Variants in ACACA observed in about 807,000 individuals in gnomAD.
ACACA encodes acetyl-CoA carboxylase 1.
A neutral mutation model predicts 296.1 loss-of-function variants in ACACA; 103 were observed. That is an observed-to-expected ratio of 0.35 (90% CI 0.30 to 0.41). The LOEUF (loss-of-function observed/expected upper bound fraction) is 0.41. Ranked by LOEUF, ACACA falls within the 10% of genes least tolerant of loss-of-function variation. The pLI is 1.00. For synonymous variants in ACACA, 953 were observed against 1,038.6 expected, an observed-to-expected ratio of 0.92 and a Z score of 1.58; for missense variants, 1,554 against 2,989.7, an observed-to-expected ratio of 0.52 and a Z score of 11.20.
chr17:37,381,833 T>C (rs1176405356), intron 1 of ACACA, among the ~76,000 whole-genome samples: 1 of 151,706 alleles, frequency 6.6e-6, no homozygotes. Context: ...TTCACCGTGT[T>C]GGCCAGGATG....
intron 50 of ACACA, among the ~76,000 whole-genome samples, chr17:37,118,466 ATTTCT>A (rs1413404540): frequency 6.6e-6 from 1 of 152,232 alleles, no homozygotes; most frequent in Non-Finnish European, 1.5e-5. Context: ...AGCTCTTGAA[ATTTCT>A]TTTCACAATA....
intron 1 of ACACA, among the ~76,000 whole-genome samples, chr17:37,350,237 G>A (rs1467528620): frequency 2.0e-5 from 3 of 151,976 alleles, no homozygotes; most frequent in South Asian, 2.1e-4. Context: ...AGGCTGATAT[G>A]GGCGGACTGC....
chr17:37,252,857 C>G, intron 15 of ACACA, 29 bp downstream of exon 15: 1 of 1,613,650 alleles, frequency 6.2e-7, no homozygotes, highest in Non-Finnish European at 8.5e-7. Context: ...AAACCCAATC[C>G]CAGCATCTGT....
intron 3 of ACACA, among the ~76,000 whole-genome samples, chr17:37,305,987 C>A (rs1374221125): frequency 7.1e-6 from 1 of 141,364 alleles, no homozygotes; most frequent in South Asian, 2.4e-4. Context: ...CGGCTCACTG[C>A]AAGCTCCGCC....
intron 45 of ACACA, among the ~76,000 whole-genome samples, chr17:37,147,437 T>C (rs1030989421): frequency 2.0e-5 from 3 of 151,866 alleles, no homozygotes; most frequent in African/African-American, 4.8e-5. Context: ...TACAGAGAGA[T>C]ACCTACAGAA....
intron 29 of ACACA, among the ~76,000 whole-genome samples, chr17:37,216,213 T>A (rs1329375906): frequency 6.8e-6 from 1 of 147,546 alleles, no homozygotes; most frequent in Non-Finnish European, 1.5e-5. Flanking sequence ...TGTGTGTATA[T>A]ATATATATAT....
At chr17:37,135,177 T>G (rs1264838600) in intron 45 of ACACA, among the ~76,000 whole-genome samples, 1 of 152,260 alleles carries the variant, frequency 6.6e-6, no homozygotes, top group Non-Finnish European at 1.5e-5. Context: ...CATATCACTG[T>G]GTCAATGTTT....
At chr17:37,283,610 T>C (rs1201693803) in intron 4 of ACACA, among the ~76,000 whole-genome samples, 1 of 152,236 alleles carries the variant, frequency 6.6e-6, no homozygotes, top group Admixed American at 6.5e-5. Flanking sequence ...AAGCAAATAC[T>C]TGAGTATGTG....
intron 25 of ACACA, among the ~76,000 whole-genome samples, chr17:37,226,786 G>A (rs1250173525): frequency 2.6e-5 from 4 of 152,114 alleles, no homozygotes; most frequent in African/African-American, 9.7e-5. Context: ...ATGTCTCAAA[G>A]TTTTAAGAGA....
chr17:37,294,361 A>G (rs993408694), intron 3 of ACACA, among the ~76,000 whole-genome samples: 1 of 152,222 alleles, frequency 6.6e-6, no homozygotes, highest in Non-Finnish European at 1.5e-5. Context: ...AAAATTGCTT[A>G]GACTTATTTA....
At chr17:37,262,674 A>G (rs2081567812) in intron 11 of ACACA, among the ~76,000 whole-genome samples, 1 of 152,148 alleles carries the variant, frequency 6.6e-6, no homozygotes, top group African/African-American at 2.4e-5. Context: ...TCATCTCTGA[A>G]CTATGATGAA....
intron 39 of ACACA, among the ~76,000 whole-genome samples, chr17:37,183,271 C>A (rs2077393609): frequency 6.6e-6 from 1 of 152,130 alleles, no homozygotes; most frequent in South Asian, 2.1e-4. Context: ...TTGGAGAAAA[C>A]AATCTAGCTA....
chr17:37,271,638 A>G, intron 9 of ACACA, among the ~76,000 whole-genome samples: 1 of 151,978 alleles, frequency 6.6e-6, no homozygotes. Flanking sequence ...ATGTATTACA[A>G]TTAAAAAAAA....
intron 42 of ACACA, among the ~76,000 whole-genome samples, chr17:37,160,358 A>T (rs1251328253): frequency 6.6e-6 from 1 of 152,208 alleles, no homozygotes; most frequent in Non-Finnish European, 1.5e-5. Context: ...GTGGAAGAGA[A>T]GGTGAAGAGT....
intron 24 of ACACA, among the ~76,000 whole-genome samples, chr17:37,238,582 T>C (rs774928406): frequency 2.6e-5 from 4 of 152,202 alleles, no homozygotes; most frequent in Non-Finnish European, 2.9e-5. Flanking sequence ...TTGTCTTTTA[T>C]GGAAATTTTA....
At chr17:37,168,200 GT>G (rs1380185941) in intron 41 of ACACA, among the ~76,000 whole-genome samples, 2 of 152,144 alleles carry the variant, frequency 1.3e-5, no homozygotes, top group Non-Finnish European at 2.9e-5. Flanking sequence ...TACATGTTAA[GT>G]CCTAGGATAG....
At chr17:37,188,581 G>A in intron 38 of ACACA, 101 bp from the exon 39 acceptor site, 2 of 1,271,516 alleles carry the variant, frequency 1.6e-6, no homozygotes, top group Admixed American at 1.8e-5. Context: ...AAAAAAAAAA[G>A]AGGTTGGTTT....
chr17:37,396,666 C>T (rs1597801059), intron 1 of ACACA, among the ~76,000 whole-genome samples: 1 of 152,256 alleles, frequency 6.6e-6, no homozygotes, highest in East Asian at 1.9e-4. Context: ...ATGTCCATAA[C>T]TAGCCATTTT....
intron 45 of ACACA, among the ~76,000 whole-genome samples, chr17:37,138,333 T>G (rs2075416688): frequency 6.6e-6 from 1 of 152,234 alleles, no homozygotes; most frequent in Non-Finnish European, 1.5e-5. Context: ...TTTATCATAT[T>G]CATAGACCAG....
Sources: gnomAD v4.1 joint callset for allele counts (sites outside exome capture counted in the v4.1 genomes callset) on GRCh38, gnomAD v4.1.1 for gene constraint, MANE v1.5 for transcripts, NCBI Gene and HGNC (gene_info 2026-07-23, HGNC 2026-07-21) for gene names.